The following FERMT2 variants were observed in gnomAD, a reference collection of about 807,000 sequenced individuals.
FERMT2 encodes the protein fermitin family homolog 2.
In FERMT2, 15 loss-of-function variants were observed where a neutral mutation model predicts 82.7. The observed-to-expected ratio is 0.18, with a 90% CI of 0.12 to 0.28. FERMT2 has a LOEUF of 0.28. Among genes scored for constraint, FERMT2 ranks in the 10% least tolerant of loss-of-function variants. FERMT2 has a pLI of 1.00. For synonymous variants in FERMT2, 274 were observed against 271.5 expected (o/e 1.01, Z -0.09); for missense variants, 645 against 809.4 (o/e 0.80, Z 2.46).
intron 2 of FERMT2, among the ~76,000 whole-genome samples, chr14:52,944,895 A>ATTTTCT (rs909956908): frequency 1.2e-4 from 18 of 151,378 alleles, no homozygotes; most frequent in Non-Finnish European, 2.4e-4. Context: ...TAATCCTCAG[A>ATTTTCT]TTTTCTTTTT....
chr14:52,887,578 A>G (rs532207614), intron 4 of FERMT2, among the ~76,000 whole-genome samples: 1 of 152,074 alleles, frequency 6.6e-6, no homozygotes, highest in African/African-American at 2.4e-5. Flanking sequence ...CCCATAATCT[A>G]GCACTTTGGG....
chr14:52,886,317 G>A (rs1886605762), intron 4 of FERMT2, among the ~76,000 whole-genome samples: 1 of 151,740 alleles, frequency 6.6e-6, no homozygotes, highest in Admixed American at 6.6e-5. Flanking sequence ...GTGATATAAT[G>A]TATAGATATA....
chr14:52,947,396 G>A (rs976251446), intron 2 of FERMT2, among the ~76,000 whole-genome samples: 3 of 152,130 alleles, frequency 2.0e-5, no homozygotes, highest in South Asian at 2.1e-4. Context: ...GGAGAATGGC[G>A]TGAACCCAGG....
intron 3 of FERMT2, among the ~76,000 whole-genome samples, chr14:52,901,061 C>T (rs1329406698): frequency 9.5e-5 from 13 of 137,098 alleles, no homozygotes; most frequent in Admixed American, 6.6e-4. Flanking sequence ...GAGATGGAGA[C>T]CATCCTGACT....
intron 4 of FERMT2, among the ~76,000 whole-genome samples, chr14:52,886,129 G>C (rs1361003979): frequency 2.6e-5 from 4 of 151,966 alleles, no homozygotes; most frequent in African/African-American, 9.7e-5. Context: ...CCTAGTATTA[G>C]GGAAATGCAA....
At chr14:52,870,464 G>C (rs1343483181) in intron 10 of FERMT2, among the ~76,000 whole-genome samples, 1 of 152,054 alleles carries the variant, frequency 6.6e-6, no homozygotes, top group African/African-American at 2.4e-5. Context: ...GGTCAGGCTG[G>C]TCTCCAACTT....
chr14:52,868,601 T>C (rs930596387), intron 10 of FERMT2, among the ~76,000 whole-genome samples: 1 of 152,126 alleles, frequency 6.6e-6, no homozygotes, highest in Non-Finnish European at 1.5e-5. Flanking sequence ...AACTTTGCAT[T>C]TTAGATCTCT....
At chr14:52,866,066 TATC>T (rs1885262348) in intron 10 of FERMT2, among the ~76,000 whole-genome samples, 1 of 152,160 alleles carries the variant, frequency 6.6e-6, no homozygotes, top group South Asian at 2.1e-4. Flanking sequence ...TTTGCACAAA[TATC>T]ATTAATAATT....
rs377196292 is a variant in FERMT2 at position 52,859,658 on chromosome 14, C to A, written c.1784G>T (p.Arg595Leu). 5.6e-6 allele frequency: 9 copies of A among 1,612,586 alleles called. No individual in the cohort carries two copies. Among genetic ancestry groups the A allele is most frequent in the Non-Finnish European group, 7.6e-6 (9 of 1,179,212 alleles). ...TGCATCTCCAGTGCTGGCATCCATC[C>A]GAATCAGTCTGTTGTATGCAATTCC... The part of the protein sequence containing the change: ...LIGIAYNRLI[R>L]MDASTGDAIK... Residue 595 changes from arginine (R) to leucine (L), a missense_variant, in exon 14 of 15, where the codon CGG (arginine) becomes CTG (leucine). By Grantham distance (102) the Arg-to-Leu change is moderately radical. Coordinates refer to ENST00000341590, the MANE Select transcript of FERMT2 (RefSeq NM_006832.3).
At chr14:52,872,529 C>G (rs1358558948) in intron 10 of FERMT2, among the ~76,000 whole-genome samples, 1 of 151,972 alleles carries the variant, frequency 6.6e-6, no homozygotes, top group African/African-American at 2.4e-5. Flanking sequence ...GCAAGACTCC[C>G]TCTCAAAAAA....
chr14:52,950,135 C>T (rs1890558903), intron 2 of FERMT2, among the ~76,000 whole-genome samples: 1 of 152,166 alleles, frequency 6.6e-6, no homozygotes, highest in African/African-American at 2.4e-5. Flanking sequence ...TAACGAGTTC[C>T]CCGGCACACA....
intron 6 of FERMT2, among the ~76,000 whole-genome samples, chr14:52,879,977 T>G (rs1485993961): frequency 1.3e-5 from 2 of 152,174 alleles, no homozygotes; most frequent in Non-Finnish European, 1.5e-5. Flanking sequence ...TAAGAAAAAT[T>G]TGGCTGAGCA....
Position 52,860,471 on chromosome 14 carries a change from C to A in FERMT2, c.1603-6G>T, listed in dbSNP as rs754034679. On this transcript the variant is annotated splice_region_variant and splice_polypyrimidine_tract_variant and intron_variant, in intron 12 of 14. Coordinates refer to ENST00000341590, the MANE Select transcript of FERMT2 (RefSeq NM_006832.3). The stretch of plus-strand genomic sequence containing the variant: ...TCCAAGATTCTCGCTGTTATCTAAA[C>A]ATGAGTAAACATCACCTTTACCATT... 6.2e-7 allele frequency: 1 copy of A among 1,607,992 alleles called. No homozygotes were observed. The highest frequency in any genetic ancestry group is 1.1e-5 in the South Asian group (1 of 90,000).
intron 2 of FERMT2, chr14:52,948,642 ACAT>A (rs957457896): frequency 2.2e-6 from 1 of 450,290 alleles, no homozygotes; most frequent in Non-Finnish European, 4.4e-6. Flanking sequence ...ATTTAAATTA[ACAT>A]CATTTCTGTC....
intron 3 of FERMT2, among the ~76,000 whole-genome samples, chr14:52,916,342 C>CA (rs1291493727): frequency 2.7e-4 from 29 of 108,594 alleles, no homozygotes; most frequent in African/African-American, 6.0e-4. Context: ...AGACTCGTCT[C>CA]AAAAAAAAAA....
chr14:52,939,101 T>C (rs908174458), intron 2 of FERMT2, among the ~76,000 whole-genome samples: 2 of 147,778 alleles, frequency 1.4e-5, no homozygotes, highest in African/African-American at 5.0e-5. Flanking sequence ...ACGTCTGTAA[T>C]CCCAGCATTT....
chr14:52,880,400 CTTTT>C (rs969773132), intron 6 of FERMT2, among the ~76,000 whole-genome samples: 2 of 151,872 alleles, frequency 1.3e-5, no homozygotes, highest in Non-Finnish European at 2.9e-5. Flanking sequence ...TTTGCCAATT[CTTTT>C]TTTTGTTTGT....
At chr14:52,874,146 A>T in intron 9 of FERMT2, 31 bp downstream of exon 9, 1 of 1,436,272 alleles carries the variant, frequency 7.0e-7, no homozygotes, top group Non-Finnish European at 9.6e-7. Flanking sequence ...GACAGTTATT[A>T]ATATTTGGCA....
chr14:52,927,593 A>T lies in FERMT2; in HGVS notation c.158-8237T>A, dbSNP rs1043230432. Among the ~76,000 whole-genome samples the T allele has an allele frequency of 3.9e-3, 49 of 12,420 alleles. 1 individual carries two copies. In the East Asian group the frequency reaches 0.061, roughly 16 times the overall value. 8.1% of individuals were successfully genotyped at this position (12,420 alleles called of 152,430 possible). On this transcript the variant is annotated intron_variant, in intron 2 of 14. Coordinates refer to ENST00000341590, the MANE Select transcript of FERMT2 (RefSeq NM_006832.3). ...CAACATAGCAAAACCTCATCCCTAT[A>T]AAAAAAAAAAAAAAAAAAAAAAAAA...
Sources: allele counts gnomAD v4.1 joint callset (sites outside exome capture counted in the v4.1 genomes callset), GRCh38; gene constraint gnomAD v4.1.1; transcripts MANE v1.5; gene names NCBI Gene and HGNC (gene_info 2026-07-23, HGNC 2026-07-21).